Variants in CLPB observed in about 807,000 individuals in gnomAD.
CLPB encodes mitochondrial disaggregase.
A neutral mutation model predicts 78.4 loss-of-function variants in CLPB; 40 were observed. The ratio of observed to expected loss-of-function variants is 0.51; its 90% CI spans 0.40 to 0.66. The LOEUF is 0.66. Among genes scored for constraint, CLPB ranks in the 30% least tolerant of loss-of-function variants. The pLI, the probability that CLPB is intolerant of heterozygous loss-of-function variation, is 0.00. For synonymous variants in CLPB, 333 were observed against 348.0 expected, an observed-to-expected ratio of 0.96 and a Z score of 0.48; for missense variants, 780 against 886.9, an observed-to-expected ratio of 0.88 and a Z score of 1.53.
Position 72,414,277 on chromosome 11 carries a change from G to A in CLPB, c.456-11225C>T, listed in dbSNP as rs558432418. ...TATTAATATATGCATTTCCCAGAGAGTCAGCAGCTGTGGTGGTGAGAAGGA... is the reference window on the plus strand; with the variant it reads ...TATTAATATATGCATTTCCCAGAGAATCAGCAGCTGTGGTGGTGAGAAGGA... On this transcript the variant is annotated intron_variant, in intron 2 of 15. Coordinates refer to ENST00000538039, the MANE Select transcript of CLPB (RefSeq NM_001258392.3). 4.6e-5 allele frequency among the ~76,000 whole-genome samples: 7 copies of A among 152,304 alleles called. No homozygotes were observed. The South Asian group carries it at 1.5e-3, about 32-fold the overall frequency.
chr11:72,337,221 T>A, intron 5 of CLPB: 1 of 398,310 alleles, frequency 2.5e-6, no homozygotes, highest in Non-Finnish European at 4.4e-6. Flanking sequence ...TTGAGCTTTT[T>A]CTATAAACCA....
chr11:72,403,080 G>A lies in CLPB; in HGVS notation c.456-28C>T, dbSNP rs780955693. 7 of 1,598,446 alleles carry A rather than the reference G, an allele frequency of 4.4e-6. No individual in the cohort carries two copies. In the Admixed American group the frequency reaches 8.3e-5, roughly 19 times the overall value. On this transcript the variant is annotated intron_variant, in intron 2 of 15. Coordinates refer to ENST00000538039, the MANE Select transcript of CLPB (RefSeq NM_001258392.3). ...AAAACAAGACAGAGGAATATTTTCA[G>A]TGTATGGCTTGACATCTGCACCTTC...
intron 2 of CLPB, among the ~76,000 whole-genome samples, chr11:72,416,819 C>G (rs191395905): frequency 6.6e-6 from 1 of 151,698 alleles, no homozygotes; most frequent in Non-Finnish European, 1.5e-5. Flanking sequence ...TAAAAAGATG[C>G]TCACATCATT....
chr11:72,369,624 TA>T (rs1176692645), intron 4 of CLPB, among the ~76,000 whole-genome samples: 3 of 152,162 alleles, frequency 2.0e-5, no homozygotes, highest in Non-Finnish European at 4.4e-5. Flanking sequence ...AAACTCGCAA[TA>T]AAAAACAAAT....
At chr11:72,428,005 A>G (rs187004931) in intron 2 of CLPB, among the ~76,000 whole-genome samples, 5 of 152,320 alleles carry the variant, frequency 3.3e-5, no homozygotes, top group Middle Eastern at 3.4e-3. Flanking sequence ...GTTTCCTTCT[A>G]GCAAGGATGG....
chr11:72,371,889 T>C (rs1174999752), intron 4 of CLPB, among the ~76,000 whole-genome samples: 1 of 152,246 alleles, frequency 6.6e-6, no homozygotes, highest in Admixed American at 6.5e-5. Context: ...TGATAGTCCT[T>C]GTTATCTGAA....
chr11:72,433,540 GAAAT>G (rs563884899), intron 1 of CLPB, among the ~76,000 whole-genome samples: 20,196 of 138,464 alleles, frequency 0.15, 1,637 homozygotes, highest in African/African-American at 0.21. Flanking sequence ...CTCCATCTCA[GAAAT>G]AAATAAATAA....
In CLPB at chr11:72,291,509, T is replaced by C. The variant is rs578229108; in HGVS notation, c.*1858A>G. The C allele has an allele frequency of 2.0e-5, 3 of 151,856 alleles. No individual in the cohort carries two copies. Among genetic ancestry groups the C allele is most frequent in the Non-Finnish European group, 4.4e-5 (3 of 67,990 alleles). 9.4% of individuals were successfully genotyped at this position (151,856 alleles called of 1,614,324 possible). ...TTTTAGTACAGACAGGGTTTCACCA[T>C]GTTGGCCAGGCTGGTCTCGAACTCC... On this transcript the variant is annotated 3_prime_UTR_variant, in exon 16 of 16. Transcript: ENST00000538039.
intron 2 of CLPB, among the ~76,000 whole-genome samples, chr11:72,413,898 C>A (rs1855950253): frequency 6.6e-6 from 1 of 152,186 alleles, no homozygotes; most frequent in Non-Finnish European, 1.5e-5. Flanking sequence ...ACTCAGGGTA[C>A]TGTGATGAAT....
intron 1 of CLPB, 139 bp downstream of exon 1, chr11:72,433,933 G>T: frequency 9.4e-7 from 1 of 1,067,542 alleles, no homozygotes; most frequent in Non-Finnish European, 1.4e-6. Flanking sequence ...CCCTGCCCCT[G>T]TAACCAGATG....
rs2135481624 is a variant in CLPB at position 72,292,299 on chromosome 11, A to T, written c.*1068T>A. The stretch of plus-strand genomic sequence containing the variant: ...GTGGGGGAAGGTGGGTGGACTGCTT[A>T]TCAGCAGTGGCTACTGTAGATGGTG... On this transcript the variant is annotated 3_prime_UTR_variant, in exon 16 of 16. Transcript: ENST00000538039. 6.6e-6 allele frequency: 1 copy of T among 152,392 alleles called. No individual in the cohort carries two copies. The allele number at this position is 152,392 out of a possible 1,614,324, so 9.4% of individuals were successfully genotyped here.
At chr11:72,411,941 G>C (rs1855889750) in intron 2 of CLPB, 1 of 152,242 alleles carries the variant, frequency 6.6e-6, no homozygotes, top group African/African-American at 2.4e-5. Context: ...CTGGGCAACA[G>C]GGCCCTGGCT....
chr11:72,430,566 T>C, intron 1 of CLPB: 1 of 568,976 alleles, frequency 1.8e-6, no homozygotes, highest in Non-Finnish European at 3.2e-6. Flanking sequence ...CACACCTTTC[T>C]ACTACAGAGC....
chr11:72,369,332 C>T (rs190509354), intron 4 of CLPB, among the ~76,000 whole-genome samples: 304 of 152,314 alleles, frequency 2.0e-3, no homozygotes, highest in Non-Finnish European at 2.8e-3. Context: ...TCTCGCCTAA[C>T]TCTCAGAGTA....
chr11:72,307,486 G>A (rs1446253003), intron 8 of CLPB, among the ~76,000 whole-genome samples: 2 of 152,118 alleles, frequency 1.3e-5, no homozygotes, highest in African/African-American at 2.4e-5. Flanking sequence ...TGGGATTGAG[G>A]CCTTTTCTCT....
intron 5 of CLPB, among the ~76,000 whole-genome samples, chr11:72,345,989 C>T (rs895250027): frequency 1.3e-5 from 2 of 152,038 alleles, no homozygotes; most frequent in Non-Finnish European, 2.9e-5. Flanking sequence ...AATGTATCAA[C>T]GTTATTTGCA....
chr11:72,373,034 G>A lies in CLPB; in HGVS notation c.646+7247C>T, dbSNP rs1951073773. 2 of 1,610,774 alleles carry A rather than the reference G, an allele frequency of 1.2e-6. No homozygotes were observed. Among genetic ancestry groups the A allele is most frequent in the Non-Finnish European group, 1.7e-6 (2 of 1,177,072 alleles). On this transcript the variant is annotated intron_variant, in intron 4 of 15. Transcript: ENST00000538039. ...CCCCATCTGAAGACACAGAGATGGG[G>A]AGGTCAGCTGGAGCAGGCCAGGTCC...
At chr11:72,341,440 C>T (rs1423309538) in intron 5 of CLPB, among the ~76,000 whole-genome samples, 1 of 152,172 alleles carries the variant, frequency 6.6e-6, no homozygotes, top group Non-Finnish European at 1.5e-5. Flanking sequence ...ATAAAATAGT[C>T]TCCTAAAATT....
chr11:72,406,789 G>A (rs1232883663), intron 2 of CLPB, among the ~76,000 whole-genome samples: 5 of 152,204 alleles, frequency 3.3e-5, no homozygotes, highest in Admixed American at 6.5e-5. Flanking sequence ...CTACTGGGGA[G>A]GAGACAGAGA....
Sources: allele counts gnomAD v4.1 joint callset (sites outside exome capture counted in the v4.1 genomes callset), GRCh38; gene constraint gnomAD v4.1.1; transcripts MANE v1.5; gene names NCBI Gene and HGNC (gene_info 2026-07-23, HGNC 2026-07-21).